ADAMTS17: variants seen among roughly 807,000 people sequenced by gnomAD.
ADAMTS17 encodes the protein ADAM metallopeptidase with thrombospondin type 1 motif 17, also known as A disintegrin and metalloproteinase with thrombospondin motifs 17.
Under a neutral mutation model 141.5 loss-of-function variants are expected in ADAMTS17, and 113 were observed. The ratio of observed to expected loss-of-function variants is 0.80; its 90% confidence interval spans 0.69 to 0.93. The LOEUF is 0.93. Among genes scored for constraint, ADAMTS17 ranks in the 40% least tolerant of loss-of-function variants. The pLI, the probability that ADAMTS17 is intolerant of heterozygous loss-of-function variation, is 0.00. For synonymous variants in ADAMTS17, 768 were observed against 630.6 expected, an observed-to-expected ratio of 1.22 and a Z score of -3.27; for missense variants, 1,659 against 1,517.9, an observed-to-expected ratio of 1.09 and a Z score of -1.54.
intron 4 of ADAMTS17, among the ~76,000 whole-genome samples, chr15:100,279,095 T>C (rs1046552390): frequency 6.6e-6 from 1 of 152,146 alleles, no homozygotes; most frequent in Admixed American, 6.5e-5. Context: ...TCCAGCTTTG[T>C]GTCCTTGCCC....
At position 100,167,615 on chromosome 15, in the gene ADAMTS17, G is replaced by A. The variant is rs139340350; in HGVS notation, c.1182-12295C>T. Among the ~76,000 whole-genome samples the A allele has an allele frequency of 3.7e-3, 565 of 152,204 alleles. 1 individual carries two copies. Among genetic ancestry groups the A allele is most frequent in the Middle Eastern group, 6.8e-3 (2 of 292 alleles). On this transcript the variant is annotated intron_variant, in intron 8 of 21. Transcript: ENST00000268070. ...CAAATGTGACCTCAAGCAGGAAGGG[G>A]GACCCCCGAGGCACCTTCCTATGGA... is the stretch of plus-strand genomic sequence containing the variant.
intron 9 of ADAMTS17, among the ~76,000 whole-genome samples, chr15:100,153,971 A>G (rs976917746): frequency 2.0e-5 from 3 of 152,230 alleles, no homozygotes; most frequent in Non-Finnish European, 2.9e-5. Context: ...ACCTCGGATC[A>G]GGAGTTCGAG....
intron 18 of ADAMTS17, among the ~76,000 whole-genome samples, chr15:100,046,524 G>C (rs1009841584): frequency 3.9e-5 from 6 of 152,188 alleles, no homozygotes; most frequent in African/African-American, 1.4e-4. Flanking sequence ...ACATGTTGTG[G>C]GAAGTCAGGA....
rs375069335 is a variant in ADAMTS17, at chr15:99,993,229, G to A, written c.2797-29C>T. 97 of 1,613,778 alleles carry A rather than the reference G, an allele frequency of 6.0e-5. No individual in the cohort carries two copies. The highest frequency in any genetic ancestry group is 7.5e-5 in the Non-Finnish European group (89 of 1,180,026). On this transcript the variant is annotated intron_variant, in intron 19 of 21. Transcript: ENST00000268070. The surrounding 1 kb of genome is among the most constrained non-coding windows in gnomAD (Gnocchi z 4.3). The stretch of plus-strand genomic sequence containing the variant: ...CAAGACACCATTCAAATATTTAACC[G>A]AGTTCCAATTCGATTCAAGTCCATC...
chr15:100,195,583 T>C (rs535719434), intron 8 of ADAMTS17, among the ~76,000 whole-genome samples: 2 of 131,008 alleles, frequency 1.5e-5, no homozygotes, highest in Non-Finnish European at 3.1e-5. Flanking sequence ...AGACTTACAT[T>C]AATTAAATGA....
intron 7 of ADAMTS17, among the ~76,000 whole-genome samples, chr15:100,209,489 G>A (rs998674002): frequency 5.3e-5 from 8 of 152,220 alleles, no homozygotes; most frequent in Admixed American, 2.0e-4. Flanking sequence ...CAACAGTCAT[G>A]AACTAAAGTC....
chr15:100,255,410 GAAGGA>G (rs1195982570), intron 6 of ADAMTS17, among the ~76,000 whole-genome samples: 3 of 152,142 alleles, frequency 2.0e-5, no homozygotes, highest in Non-Finnish European at 4.4e-5. Context: ...GGGAAATGGA[GAAGGA>G]ATATCATAAA....
At chr15:100,095,578 TCTC>T (rs2035707750) in intron 15 of ADAMTS17, among the ~76,000 whole-genome samples, 1 of 152,132 alleles carries the variant, frequency 6.6e-6, no homozygotes, top group Non-Finnish European at 1.5e-5. Context: ...CAACACAAGT[TCTC>T]CTGGTGATGG....
At chr15:100,017,003 G>A (rs971051340) in intron 18 of ADAMTS17, among the ~76,000 whole-genome samples, 4 of 152,120 alleles carry the variant, frequency 2.6e-5, no homozygotes, top group Non-Finnish European at 5.9e-5. Flanking sequence ...AGGGGTGGAC[G>A]CGTCTGAGCT....
At chr15:100,026,550 C>T (rs1423604218) in intron 18 of ADAMTS17, among the ~76,000 whole-genome samples, 3 of 152,108 alleles carry the variant, frequency 2.0e-5, no homozygotes, top group Non-Finnish European at 4.4e-5. Context: ...AGGCACATAC[C>T]ATAAATTGTG....
intron 20 of ADAMTS17, among the ~76,000 whole-genome samples, chr15:99,985,772 G>T (rs1209061571): frequency 1.3e-5 from 2 of 152,146 alleles, no homozygotes; most frequent in Non-Finnish European, 2.9e-5. Context: ...GGGACAGATG[G>T]GTGAGGGTCC....
At chr15:100,194,715 C>T (rs1459771033) in intron 8 of ADAMTS17, among the ~76,000 whole-genome samples, 3 of 152,124 alleles carry the variant, frequency 2.0e-5, no homozygotes, top group East Asian at 1.9e-4. Flanking sequence ...AAATTGTGAT[C>T]GGCATGTTGG....
intron 15 of ADAMTS17, among the ~76,000 whole-genome samples, chr15:100,090,296 C>T (rs886300967): frequency 6.6e-6 from 1 of 152,186 alleles, no homozygotes; most frequent in Admixed American, 6.5e-5. Context: ...AACTACCAAA[C>T]ATACCTGCAA....
intron 7 of ADAMTS17, among the ~76,000 whole-genome samples, chr15:100,251,867 G>C (rs1438689107): frequency 6.6e-6 from 1 of 152,224 alleles, no homozygotes; most frequent in African/African-American, 2.4e-5. Context: ...GCCACAAGAG[G>C]ACACAGGAGA....
chr15:100,155,301 C>T lies in ADAMTS17; in HGVS notation c.1201G>A (p.Asp401Asn), dbSNP rs766101421. The T allele has an allele frequency of 1.4e-5, 22 of 1,613,810 alleles. No homozygotes were observed. Among genetic ancestry groups the T allele is most frequent in the South Asian group, 1.3e-4 (12 of 91,032 alleles). ...CTGCCAGCGCAAGATGAGTGGTCAT[C>T]GTCGTGGTTCATGCCCAAGCTGTCC... is the stretch of plus-strand genomic sequence containing the variant. Reference protein sequence around the residue: ...LGHNLGMNHDDDHSSCAGRSH... With the variant: ...LGHNLGMNHDNDHSSCAGRSH... The change falls in exon 9 of 22, where the codon GAT becomes AAT. Residue 401 changes from aspartate (D) to asparagine (N), a missense_variant. Coordinates refer to ENST00000268070, the MANE Select transcript of ADAMTS17 (RefSeq NM_139057.4).
intron 18 of ADAMTS17, among the ~76,000 whole-genome samples, chr15:100,022,022 G>A (rs765504167): frequency 1.3e-5 from 2 of 152,162 alleles, no homozygotes; most frequent in African/African-American, 2.4e-5. Flanking sequence ...TGGCTTGGGT[G>A]CTCCTAGGAG....
intron 8 of ADAMTS17, among the ~76,000 whole-genome samples, chr15:100,155,715 G>T (rs971654493): frequency 6.6e-6 from 1 of 152,180 alleles, no homozygotes; most frequent in Non-Finnish European, 1.5e-5. Flanking sequence ...TAATCACTGT[G>T]CTAACGGGAA....
intron 15 of ADAMTS17, among the ~76,000 whole-genome samples, chr15:100,073,887 A>G (rs2034174659): frequency 1.4e-5 from 2 of 146,250 alleles, no homozygotes; most frequent in Admixed American, 1.4e-4. Context: ...CACGTTGTGC[A>G]CATGTACCCT....
At chr15:100,209,951 T>C (rs1480506383) in intron 7 of ADAMTS17, among the ~76,000 whole-genome samples, 1 of 152,354 alleles carries the variant, frequency 6.6e-6, no homozygotes, top group Non-Finnish European at 1.5e-5. Flanking sequence ...GTTCTTCACC[T>C]TTCAAGCAAT....
Sources: gnomAD v4.1 joint callset for allele counts (sites outside exome capture counted in the v4.1 genomes callset) on GRCh38, gnomAD v4.1.1 for gene constraint, Gnocchi (gnomAD v3.1) non-coding constraint, MANE v1.5 for transcripts, NCBI Gene and HGNC (gene_info 2026-07-23, HGNC 2026-07-21) for gene names.